Variants in LRRK2 observed in about 807,000 individuals in gnomAD.
LRRK2 encodes leucine-rich repeat serine/threonine-protein kinase 2.
In LRRK2, 203 loss-of-function variants were observed where a neutral mutation model predicts 302.6. The ratio of observed to expected loss-of-function variants is 0.67; its 90% CI spans 0.60 to 0.75. The LOEUF is 0.75. LRRK2 is among the 30% of genes least tolerant of loss of function. LRRK2 has a pLI of 0.00. For synonymous variants in LRRK2, 1,066 were observed against 1,031.9 expected, an observed-to-expected ratio of 1.03 and a Z score of -0.63; for missense variants, 2,830 against 2,951.0, an observed-to-expected ratio of 0.96 and a Z score of 0.95.
intron 4 of LRRK2, among the ~76,000 whole-genome samples, chr12:40,237,278 G>T (rs1941509878): frequency 6.6e-6 from 1 of 152,118 alleles, no homozygotes; most frequent in Admixed American, 6.6e-5. Context: ...TCCAGCAAGG[G>T]ATTTGCAAGA....
In LRRK2 at chr12:40,274,960, C is replaced by G. The variant is rs1451450652; in HGVS notation, c.1908C>G (p.Tyr636Ter). 3 of 1,613,876 alleles carry G rather than the reference C, an allele frequency of 1.9e-6. No homozygotes were observed. The highest frequency in any genetic ancestry group is 2.5e-6 in the Non-Finnish European group (3 of 1,179,912). ...CAAAAATTCTGGTTTCCAGCTTATA[C>G]CGATTTAAGGATGTTGCTGAAATAC... ...LLAKILVSSL[Y>*]RFKDVAEIQT... is the part of the protein sequence containing the mutation. The change falls in exon 16 of 51, where the codon TAC (tyrosine) becomes TAG (stop). Residue 636 changes from tyrosine to a stop codon, truncating the protein, a stop_gained. Coordinates refer to ENST00000298910, the MANE Select transcript of LRRK2 (RefSeq NM_198578.4). LOFTEE classifies it high-confidence loss of function.
intron 20 of LRRK2, among the ~76,000 whole-genome samples, chr12:40,291,065 G>A (rs1222428712): frequency 3.3e-5 from 5 of 152,040 alleles, no homozygotes; most frequent in Non-Finnish European, 7.4e-5. Context: ...TTAAGAAAAT[G>A]TGGCACATGT....
intron 44 of LRRK2, 142 bp downstream of exon 44, chr12:40,351,875 A>AACACATTTGCTCT: frequency 2.2e-6 from 2 of 908,534 alleles, no homozygotes; most frequent in Non-Finnish European, 3.4e-6. Context: ...TCAAGAGCAA[A>AACACATTTGCTCT]TGTGTTTTGC....
At chr12:40,349,880 G>T (rs1007902930) in intron 43 of LRRK2, among the ~76,000 whole-genome samples, 3 of 152,168 alleles carry the variant, frequency 2.0e-5, no homozygotes, top group Admixed American at 1.3e-4. Flanking sequence ...ATAAAGTTTT[G>T]TAATGCTACA....
chr12:40,255,009 A>G (rs1237470196), intron 11 of LRRK2, among the ~76,000 whole-genome samples: 1 of 152,162 alleles, frequency 6.6e-6, no homozygotes. Flanking sequence ...AGGCAGAAGA[A>G]CTGCGTCCTT....
intron 40 of LRRK2, 32 bp downstream of exon 40, chr12:40,335,189 C>A: frequency 6.2e-7 from 1 of 1,609,508 alleles, no homozygotes; most frequent in Non-Finnish European, 8.5e-7. Flanking sequence ...CTATTCAGTG[C>A]ATGACAAGTG....
chr12:40,339,491 A>G (rs958295195), intron 40 of LRRK2, among the ~76,000 whole-genome samples: 2 of 152,114 alleles, frequency 1.3e-5, no homozygotes, highest in Admixed American at 6.6e-5. Flanking sequence ...TATATTAACT[A>G]TCTTTTACTC....
At chr12:40,326,799 C>A (rs546311722) in intron 38 of LRRK2, among the ~76,000 whole-genome samples, 2 of 152,140 alleles carry the variant, frequency 1.3e-5, no homozygotes, top group African/African-American at 4.8e-5. Flanking sequence ...TTTTAAAAGT[C>A]AAATATTAAG....
chr12:40,341,471 T>C (rs986721848), intron 41 of LRRK2, among the ~76,000 whole-genome samples: 2 of 152,194 alleles, frequency 1.3e-5, no homozygotes, highest in Non-Finnish European at 2.9e-5. Flanking sequence ...GATAGTTACA[T>C]TTTAGAAGTA....
intron 2 of LRRK2, among the ~76,000 whole-genome samples, chr12:40,228,359 T>C (rs971935978): frequency 3.3e-5 from 5 of 151,964 alleles, no homozygotes; most frequent in African/African-American, 1.2e-4. Context: ...TTTTTTTTCA[T>C]GTACCTGTTA....
At chr12:40,294,708 T>C in intron 21 of LRRK2, 137 bp from the exon 22 acceptor site, 1 of 532,948 alleles carries the variant, frequency 1.9e-6, no homozygotes, top group Non-Finnish European at 3.4e-6. Flanking sequence ...AATTGGGTTC[T>C]TAGTTTTTAC....
intron 18 of LRRK2, among the ~76,000 whole-genome samples, chr12:40,280,867 C>T (rs1032336285): frequency 4.0e-5 from 6 of 151,452 alleles, no homozygotes; most frequent in Non-Finnish European, 5.9e-5. Context: ...GAGATCGAGA[C>T]CATCCTGGCT....
At chr12:40,235,325 A>T (rs1941400736) in intron 3 of LRRK2, among the ~76,000 whole-genome samples, 1 of 152,212 alleles carries the variant, frequency 6.6e-6, no homozygotes, top group South Asian at 2.1e-4. Context: ...TGAAAAAATT[A>T]GCCTGGTGTG....
At chr12:40,276,248 T>C (rs1325446224) in intron 16 of LRRK2, among the ~76,000 whole-genome samples, 1 of 152,104 alleles carries the variant, frequency 6.6e-6, no homozygotes, top group Non-Finnish European at 1.5e-5. Context: ...ATAGTAGAGT[T>C]TATGAACTAA....
At chr12:40,252,397 TTAA>T (rs1186452215) in intron 10 of LRRK2, among the ~76,000 whole-genome samples, 2 of 152,200 alleles carry the variant, frequency 1.3e-5, no homozygotes, top group East Asian at 3.8e-4. Context: ...AATTGGCATC[TTAA>T]TAATCTCATG....
chr12:40,348,576 C>A, intron 43 of LRRK2, 67 bp downstream of exon 43: 1 of 948,812 alleles, frequency 1.1e-6, no homozygotes, highest in African/African-American at 1.6e-5. Context: ...TATATATAAT[C>A]TTCAAATATA....
In LRRK2 at chr12:40,243,618, G is replaced by A; in HGVS notation, c.775G>A (p.Ala259Thr). 1 of 1,612,158 alleles carries A rather than the reference G, an allele frequency of 6.2e-7. No homozygotes were observed. The highest frequency in any genetic ancestry group is 1.1e-5 in the South Asian group (1 of 91,066). ...CYNIVVEAMK[A>T]FPMSERIQEV... ...TAATATTGTGGTGGAAGCTATGAAA[G>A]CATTCCCTATGAGTGAAAGAATTCA... Residue 259 changes from alanine (A) to threonine (T), a missense_variant, in exon 7 of 51, where the codon GCA (alanine) becomes ACA (threonine). This residue lies in a region of LRRK2 where 2,121 missense variants were observed against 2,148.0 expected (regional missense o/e 0.99). Transcript: ENST00000298910.
chr12:40,245,454 G>A (rs1941937222), intron 7 of LRRK2, among the ~76,000 whole-genome samples: 1 of 152,072 alleles, frequency 6.6e-6, no homozygotes, highest in Non-Finnish European at 1.5e-5. Flanking sequence ...TAATAGTTCT[G>A]TAAGTCCTGA....
intron 3 of LRRK2, 46 bp downstream of exon 3, chr12:40,232,429 T>G: frequency 7.7e-7 from 1 of 1,303,112 alleles, no homozygotes. Context: ...AGTATTTATT[T>G]GTACACATGA....
Sources: allele counts gnomAD v4.1 joint callset (sites outside exome capture counted in the v4.1 genomes callset), GRCh38; gene constraint gnomAD v4.1.1; regional missense constraint gnomAD v4.1.1; transcripts MANE v1.5; gene names NCBI Gene and HGNC (gene_info 2026-07-23, HGNC 2026-07-21).